The following CTSC variants were observed in gnomAD, a reference collection of about 807,000 sequenced individuals.
The protein encoded by CTSC is cathepsin C.
A neutral mutation model predicts 40.9 loss-of-function variants in CTSC; 37 were observed. That is an observed-to-expected ratio of 0.91 (90% confidence interval 0.70 to 1.19). The LOEUF is 1.19. Among genes scored for constraint, CTSC ranks in the 50% most tolerant of loss-of-function variants. CTSC has a pLI of 0.00. For synonymous variants in CTSC, 232 were observed against 207.4 expected (o/e 1.12, Z -1.02); for missense variants, 594 against 567.3 (o/e 1.05, Z -0.48).
At chr11:88,319,795 C>A (rs1156652474) in intron 2 of CTSC, among the ~76,000 whole-genome samples, 1 of 151,990 alleles carries the variant, frequency 6.6e-6, no homozygotes, top group Non-Finnish European at 1.5e-5. Context: ...TTTAGACATC[C>A]AAGTCTAATC....
At chr11:88,302,160 G>A (rs1180505898) in intron 4 of CTSC, among the ~76,000 whole-genome samples, 1 of 151,942 alleles carries the variant, frequency 6.6e-6, no homozygotes, top group Non-Finnish European at 1.5e-5. Flanking sequence ...TATTCAACTG[G>A]GCATTGTCAT....
rs201990020 is a variant in CTSC at position 88,294,488 on chromosome 11, A to G, written c.910T>C (p.Tyr304His). Residue 304 changes from tyrosine to histidine, a missense_variant, in exon 7 of 7, where the codon TAC becomes CAC. Coordinates refer to ENST00000227266, the MANE Select transcript of CTSC (RefSeq NM_001814.6). ...TGGGCGTACTTTCCTGCAATAAGGT[A>G]TGGGAAGCCGCCTTCACAGCCTGAA... ...YAQGCEGGFP[Y>H]LIAGKYAQDF... 1.4e-5 allele frequency: 23 copies of G among 1,614,036 alleles called. No individual in the cohort carries two copies. Among genetic ancestry groups the G allele is most frequent in the African/African-American group, 2.7e-5 (2 of 74,932 alleles).
Position 88,294,342 on chromosome 11 carries a change from A to T in CTSC, c.1056T>A (p.Tyr352Ter). 6.2e-7 allele frequency: 1 copy of T among 1,614,154 alleles called. No homozygotes were observed. The change falls in exon 7 of 7, where the codon TAT becomes TAA. Residue 352 changes from tyrosine to a stop codon, truncating the protein, a stop_gained. Transcript: ENST00000227266. LOFTEE classifies it high-confidence loss of function. ...TCATCAGGGCTTCATTGCAGCCTCC[A>T]TAGAAACCTCCTACATAGTGGTACT... ...SSEYHYVGGF[Y>*]GGCNEALMKL...
chr11:88,325,398 G>A, intron 2 of CTSC: 1 of 985,352 alleles, frequency 1.0e-6, no homozygotes, highest in South Asian at 4.7e-5. Flanking sequence ...ATGAGCCCAT[G>A]CAACATTAAA....
chr11:88,329,099 T>C (rs750278352), intron 2 of CTSC, among the ~76,000 whole-genome samples: 17 of 152,250 alleles, frequency 1.1e-4, no homozygotes, highest in African/African-American at 3.4e-4. Flanking sequence ...ATCTTCAAAA[T>C]AAAATCTGAG....
At chr11:88,299,268 A>G (rs1399567716) in intron 5 of CTSC, 4 of 152,224 alleles carry the variant, frequency 2.6e-5, no homozygotes, top group Non-Finnish European at 5.9e-5. Flanking sequence ...TGGTGATAGC[A>G]TAACTTGCAA....
chr11:88,334,800 T>C, intron 2 of CTSC, 137 bp downstream of exon 2: 2 of 687,338 alleles, frequency 2.9e-6, no homozygotes, highest in Admixed American at 2.4e-5. Flanking sequence ...TACCAACTAC[T>C]ACTACTCTTG....
chr11:88,307,797 G>A (rs1038303103), intron 4 of CTSC, among the ~76,000 whole-genome samples: 2 of 152,030 alleles, frequency 1.3e-5, no homozygotes, highest in Admixed American at 6.5e-5. Flanking sequence ...TGGATACCAG[G>A]CTAAATGTAT....
chr11:88,307,580 T>TG (rs1937663057), intron 4 of CTSC, among the ~76,000 whole-genome samples: 1 of 112,518 alleles, frequency 8.9e-6, no homozygotes, highest in Non-Finnish European at 1.9e-5. Flanking sequence ...TTTTTTTTTT[T>TG]GCTGGACATC....
Position 88,334,967 on chromosome 11 carries a change from C to G in CTSC, c.288G>C (p.Leu96Phe), listed in dbSNP as rs1230145449. The change falls in exon 2 of 7, where the codon TTG becomes TTC. Residue 96 changes from leucine (L) to phenylalanine (F), a missense_variant. By Grantham distance (22) the Leu-to-Phe change is conservative. Coordinates refer to ENST00000227266, the MANE Select transcript of CTSC (RefSeq NM_001814.6). ...AAAAGGCAAACCACTTGTAGTCATT[C>G]AACACAATCTCAAAGCCTTGGTTGT... The part of the protein sequence containing the change: ...IIYNQGFEIV[L>F]NDYKWFAFFK... 6.2e-7 allele frequency: 1 copy of G among 1,612,768 alleles called. No individual in the cohort carries two copies. The highest frequency in any genetic ancestry group is 8.5e-7 in the Non-Finnish European group (1 of 1,179,046).
chr11:88,318,258 T>C (rs1177594142), intron 2 of CTSC, among the ~76,000 whole-genome samples: 1 of 152,228 alleles, frequency 6.6e-6, no homozygotes, highest in East Asian at 1.9e-4. Flanking sequence ...TTAAATCCAG[T>C]CTGTCACTTA....
At chr11:88,317,691 G>A (rs1246039569) in intron 2 of CTSC, among the ~76,000 whole-genome samples, 2 of 152,178 alleles carry the variant, frequency 1.3e-5, no homozygotes, top group Non-Finnish European at 2.9e-5. Flanking sequence ...CAATTAAGAA[G>A]TTGAAGTTTT....
At chr11:88,308,332 G>A (rs975191017) in intron 4 of CTSC, among the ~76,000 whole-genome samples, 9 of 151,580 alleles carry the variant, frequency 5.9e-5, no homozygotes, top group Non-Finnish European at 1.2e-4. Flanking sequence ...GCGCAGACTT[G>A]AGAGATTGTC....
chr11:88,326,510 T>C, intron 2 of CTSC: 1 of 941,428 alleles, frequency 1.1e-6, no homozygotes, highest in South Asian at 1.5e-5. Flanking sequence ...TATTTAATCA[T>C]ATCAGTTTCT....
intron 4 of CTSC, among the ~76,000 whole-genome samples, chr11:88,308,766 C>T (rs1937688634): frequency 6.6e-6 from 1 of 152,092 alleles, no homozygotes; most frequent in African/African-American, 2.4e-5. Flanking sequence ...ACTCCATCCC[C>T]CACGTGGCAT....
chr11:88,304,969 A>G (rs1937618235), intron 4 of CTSC, among the ~76,000 whole-genome samples: 1 of 152,150 alleles, frequency 6.6e-6, no homozygotes. Flanking sequence ...ATGGTGGGTC[A>G]TGCCTGTAAT....
At chr11:88,315,275 C>T (rs1401101273) in intron 2 of CTSC, among the ~76,000 whole-genome samples, 2 of 152,028 alleles carry the variant, frequency 1.3e-5, no homozygotes, top group East Asian at 1.9e-4. Flanking sequence ...TTAAGAGCTA[C>T]TTTATAGATA....
At chr11:88,309,622 A>G (rs1386799480) in intron 3 of CTSC, among the ~76,000 whole-genome samples, 1 of 152,180 alleles carries the variant, frequency 6.6e-6, no homozygotes, top group Non-Finnish European at 1.5e-5. Flanking sequence ...CATTTTCTAT[A>G]TATTCATTTA....
At chr11:88,333,613 C>T (rs1470546777) in intron 2 of CTSC, among the ~76,000 whole-genome samples, 7 of 152,192 alleles carry the variant, frequency 4.6e-5, no homozygotes, top group Admixed American at 3.3e-4. Flanking sequence ...TCAACGTATA[C>T]ACCAAAGATT....
Sources: gnomAD v4.1 joint callset for allele counts (sites outside exome capture counted in the v4.1 genomes callset) on GRCh38, gnomAD v4.1.1 for gene constraint, MANE v1.5 for transcripts, NCBI Gene and HGNC (gene_info 2026-07-23, HGNC 2026-07-21) for gene names.